ATP9B: variants seen among roughly 807,000 people sequenced by gnomAD.
ATP9B encodes the protein ATPase phospholipid transporting 9B.
ATP9B carries 110 observed loss-of-function variants against 146.1 expected under a neutral mutation model. The observed-to-expected ratio is 0.75, with a 90% CI of 0.65 to 0.88. The LOEUF is 0.88. Among genes scored for constraint, ATP9B ranks in the 40% least tolerant of loss-of-function variants. The pLI is 0.00. For missense variants in ATP9B, 1,499 were observed against 1,496.4 expected (o/e 1.00, Z -0.03); for synonymous variants, 604 against 569.7 (o/e 1.06, Z -0.86).
intron 15 of ATP9B, among the ~76,000 whole-genome samples, chr18:79,314,516 G>A (rs2096669031): frequency 6.6e-6 from 1 of 152,154 alleles, no homozygotes; most frequent in African/African-American, 2.4e-5. Flanking sequence ...GAAGTGTGAT[G>A]TGTCTTGTGT....
chr18:79,341,915 C>G (rs1216395604), intron 19 of ATP9B, among the ~76,000 whole-genome samples: 1 of 152,226 alleles, frequency 6.6e-6, no homozygotes, highest in Non-Finnish European at 1.5e-5. Context: ...TCTCCCCATT[C>G]CCCTTCCCCT....
chr18:79,193,139 C>A lies in ATP9B; in HGVS notation c.874-44C>A, dbSNP rs764879134. On this transcript the variant is annotated intron_variant, in intron 8 of 29. Coordinates refer to ENST00000426216, the MANE Select transcript of ATP9B (RefSeq NM_198531.5). ...AATGAGAAATTTCCAAGTAATTTTACTAAACTATAACATTCTAATCGATTC... is the reference window on the plus strand; with the variant it reads ...AATGAGAAATTTCCAAGTAATTTTAATAAACTATAACATTCTAATCGATTC... The A allele has an allele frequency of 8.7e-6, 12 of 1,382,728 alleles. No homozygotes were observed. In the East Asian group the frequency reaches 2.8e-4, roughly 32 times the overall value. The allele number at this position is 1,382,728 out of a possible 1,614,324, so 85.7% of individuals were successfully genotyped here.
chr18:79,267,867 A>G (rs921912563), intron 12 of ATP9B, among the ~76,000 whole-genome samples: 3 of 152,002 alleles, frequency 2.0e-5, no homozygotes, highest in Non-Finnish European at 4.4e-5. Context: ...TCAGATCTAG[A>G]TTCTTAATCT....
intron 1 of ATP9B, among the ~76,000 whole-genome samples, chr18:79,086,789 G>A (rs1209499982): frequency 6.6e-6 from 1 of 152,152 alleles, no homozygotes; most frequent in African/African-American, 2.4e-5. Context: ...CAAGGTTATT[G>A]TATATATGAT....
intron 12 of ATP9B, among the ~76,000 whole-genome samples, chr18:79,260,835 T>C (rs1026883299): frequency 1.3e-5 from 2 of 152,248 alleles, no homozygotes; most frequent in African/African-American, 4.8e-5. Flanking sequence ...CTTCTATTAT[T>C]CTCAGCTCTC....
chr18:79,372,233 G>A (rs2097075902), intron 26 of ATP9B, among the ~76,000 whole-genome samples: 1 of 110,074 alleles, frequency 9.1e-6, no homozygotes, highest in African/African-American at 3.7e-5. Context: ...CCTGCCTCCT[G>A]CCCCCTCGTC....
intron 12 of ATP9B, among the ~76,000 whole-genome samples, chr18:79,276,710 G>A (rs1343067379): frequency 2.0e-5 from 3 of 152,156 alleles, no homozygotes; most frequent in African/African-American, 7.2e-5. Context: ...CTATTTTTCT[G>A]TCACCTACAA....
At chr18:79,083,677 C>G (rs1436387356) in intron 1 of ATP9B, among the ~76,000 whole-genome samples, 1 of 152,076 alleles carries the variant, frequency 6.6e-6, no homozygotes, top group Non-Finnish European at 1.5e-5. Flanking sequence ...TGCCTGACCC[C>G]TTGTGCTTCC....
At chr18:79,345,383 C>G in intron 21 of ATP9B, 45 bp from the exon 22 acceptor site, 1 of 1,601,220 alleles carries the variant, frequency 6.2e-7, no homozygotes, top group Non-Finnish European at 8.5e-7. Flanking sequence ...ATCTGGGACA[C>G]TGTTGTCGAC....
chr18:79,102,415 C>T (rs375954810), intron 2 of ATP9B, among the ~76,000 whole-genome samples: 14 of 152,046 alleles, frequency 9.2e-5, no homozygotes, highest in Non-Finnish European at 1.8e-4. Context: ...TTAGCCAGTG[C>T]GTATCCAAAT....
intron 20 of ATP9B, among the ~76,000 whole-genome samples, chr18:79,342,683 C>T (rs369975526): frequency 4.6e-5 from 7 of 151,830 alleles, no homozygotes; most frequent in Admixed American, 6.6e-5. Context: ...TGCTTTTTGA[C>T]GGAATGAACA....
intron 8 of ATP9B, among the ~76,000 whole-genome samples, chr18:79,191,185 A>G (rs531927526): frequency 2.0e-5 from 3 of 152,288 alleles, no homozygotes; most frequent in South Asian, 4.1e-4. Context: ...ATTATTTATA[A>G]TGAGAAATCA....
At chr18:79,100,418 G>A (rs547681290) in intron 2 of ATP9B, among the ~76,000 whole-genome samples, 1 of 152,246 alleles carries the variant, frequency 6.6e-6, no homozygotes, top group South Asian at 2.1e-4. Context: ...TGTGTTATTA[G>A]ATGATGGACA....
intron 15 of ATP9B, among the ~76,000 whole-genome samples, chr18:79,316,235 A>G (rs1294321563): frequency 1.3e-5 from 2 of 152,160 alleles, no homozygotes; most frequent in East Asian, 1.9e-4. Context: ...TAAATGACAA[A>G]TGGCCGGTCG....
intron 25 of ATP9B, chr18:79,354,255 G>T (rs1484466752): frequency 6.6e-6 from 1 of 152,088 alleles, no homozygotes; most frequent in Non-Finnish European, 1.5e-5. Flanking sequence ...TGTTCTCATA[G>T]GTGACAATGT....
At chr18:79,196,620 A>G (rs2095420327) in intron 9 of ATP9B, among the ~76,000 whole-genome samples, 1 of 152,244 alleles carries the variant, frequency 6.6e-6, no homozygotes, top group African/African-American at 2.4e-5. Flanking sequence ...TAGTGACCAG[A>G]AAATACACAC....
intron 8 of ATP9B, among the ~76,000 whole-genome samples, chr18:79,182,147 G>C (rs942090861): frequency 9.9e-5 from 15 of 152,176 alleles, no homozygotes; most frequent in Non-Finnish European, 2.2e-4. Flanking sequence ...AATTAATCCT[G>C]TTGCTAGAGC....
At chr18:79,295,760 C>A (rs2096543366) in intron 13 of ATP9B, among the ~76,000 whole-genome samples, 1 of 152,126 alleles carries the variant, frequency 6.6e-6, no homozygotes, top group Non-Finnish European at 1.5e-5. Context: ...GGTCATGGGG[C>A]AGAGCCCCCA....
rs1235631168 is a variant in ATP9B at position 79,327,919 on chromosome 18, G to A, written c.1774-1222G>A. Among the ~76,000 whole-genome samples, 40 of 127,646 alleles carry A rather than the reference G, an allele frequency of 3.1e-4. 2 individuals are homozygous for A. The highest frequency in any genetic ancestry group is 5.3e-4 in the Non-Finnish European group (32 of 60,938). The allele number at this position is 127,646 out of a possible 152,430, so 83.7% of individuals were successfully genotyped here. A position where few individuals can be genotyped will look rare whatever the true frequency, so the allele number is the denominator to read the frequency against. On this transcript the variant is annotated intron_variant, in intron 15 of 29. Transcript: ENST00000426216. ...GGTTAGCGTGCTCTCCGTGGGTAGC[G>A]TGCTCTCTCTGGTTAGCGTGCTCTC... is the stretch of plus-strand genomic sequence containing the variant.
Sources: allele counts gnomAD v4.1 joint callset (sites outside exome capture counted in the v4.1 genomes callset), GRCh38; gene constraint gnomAD v4.1.1; transcripts MANE v1.5; gene names NCBI Gene and HGNC (gene_info 2026-07-23, HGNC 2026-07-21).